The following CDH23 variants were observed in gnomAD, a reference collection of about 807,000 sequenced individuals.
CDH23 encodes cadherin related 23.
CDH23 carries 189 observed loss-of-function variants against 317.1 expected under a neutral mutation model. The observed-to-expected ratio is 0.60, with a 90% CI of 0.53 to 0.67. The LOEUF (loss-of-function observed/expected upper bound fraction) is 0.67, where lower values mean the gene tolerates loss of function less well. CDH23 is among the 30% of genes least tolerant of loss of function. CDH23 has a pLI of 0.00. For synonymous variants in CDH23, 1,839 were observed against 1,876.8 expected, an observed-to-expected ratio of 0.98 and a Z score of 0.52; for missense variants, 4,401 against 4,592.4, an observed-to-expected ratio of 0.96 and a Z score of 1.20.
Position 71,811,580 on chromosome 10 carries a change from T to G in CDH23, c.9268T>G (p.Tyr3090Asp). Residue 3090 changes from tyrosine (Y) to aspartate (D), a missense_variant, in exon 64 of 70, where the codon TAC becomes GAC. By Grantham distance (160) the Tyr-to-Asp change is radical. This residue lies in a region of CDH23 where 1,144 missense variants were observed against 1,138.2 expected (regional missense o/e 1.01). Coordinates refer to ENST00000224721, the MANE Select transcript of CDH23 (RefSeq NM_022124.6). The part of the protein sequence containing the change: ...AMLFVLMNWY[Y>D]RTVHKRKLKA... Reference sequence around the variant, plus strand: ...GCTCTTTGTCCTCATGAACTGGTACTACAGGACTGTGTGAGTGTCCCCCAC... The same window carrying G: ...GCTCTTTGTCCTCATGAACTGGTACGACAGGACTGTGTGAGTGTCCCCCAC... 8 of 1,613,964 alleles carry G rather than the reference T, an allele frequency of 5.0e-6. No individual in the cohort carries two copies. Among genetic ancestry groups the G allele is most frequent in the Non-Finnish European group, 6.8e-6 (8 of 1,179,880 alleles).
chr10:71,758,915 G>T (rs1387836482), intron 38 of CDH23, among the ~76,000 whole-genome samples: 1 of 152,148 alleles, frequency 6.6e-6, no homozygotes, highest in Non-Finnish European at 1.5e-5. Flanking sequence ...TGTCACCCAG[G>T]CTGGAGTGCA....
At chr10:71,681,029 T>C (rs2132678652) in intron 17 of CDH23, among the ~76,000 whole-genome samples, 1 of 151,610 alleles carries the variant, frequency 6.6e-6, no homozygotes, top group South Asian at 2.1e-4. Context: ...GTTTTGCTAA[T>C]GTTGGCCAGG....
At chr10:71,540,547 GGAAGACCCC>G (rs1214662023) in intron 6 of CDH23, among the ~76,000 whole-genome samples, 3 of 152,096 alleles carry the variant, frequency 2.0e-5, no homozygotes, top group African/African-American at 7.2e-5. Context: ...CACTACCCCA[GGAAGACCCC>G]CTGCTTATTC....
chr10:71,679,454 G>A lies in CDH23; in HGVS notation c.1820G>A (p.Gly607Asp), dbSNP rs1473782270. ...TYSIVSASAF[G>D]SYFDISLYEG... The stretch of plus-strand genomic sequence containing the variant: ...AGCATTGTCAGTGCATCTGCCTTTG[G>A]CAGCTACTTCGACATCAGCCTGTAC... The change falls in exon 17 of 70, where the codon GGC becomes GAC. Residue 607 changes from glycine (G) to aspartate (D), a missense_variant. By Grantham distance (94) the Gly-to-Asp change is moderately conservative. This residue lies in a region of CDH23 where 3,068 missense variants were observed against 3,203.3 expected (regional missense o/e 0.96). Transcript: ENST00000224721. The A allele has an allele frequency of 6.2e-7, 1 of 1,613,330 alleles. No homozygotes were observed. Among genetic ancestry groups the A allele is most frequent in the Admixed American group, 1.7e-5 (1 of 59,886 alleles).
At chr10:71,801,150 C>CTTT (rs386371783) in intron 53 of CDH23, among the ~76,000 whole-genome samples, 11,281 of 73,966 alleles carry the variant, frequency 0.15, 1,094 homozygotes, top group East Asian at 0.21. Context: ...CTCTCTCTCT[C>CTTT]TTTTTTTTTT....
chr10:71,399,347 G>A (rs1374355096), intron 1 of CDH23, among the ~76,000 whole-genome samples: 1 of 152,166 alleles, frequency 6.6e-6, no homozygotes, highest in Non-Finnish European at 1.5e-5. Flanking sequence ...GCTCAGTAAA[G>A]TTTGAGCTGT....
intron 3 of CDH23, among the ~76,000 whole-genome samples, chr10:71,480,597 C>A (rs1359747039): frequency 1.3e-5 from 2 of 152,098 alleles, no homozygotes; most frequent in Non-Finnish European, 1.5e-5. Flanking sequence ...GGCAGAGGAA[C>A]AAAGGTATGA....
chr10:71,705,442 G>A (rs897277256), intron 25 of CDH23, among the ~76,000 whole-genome samples: 2 of 152,148 alleles, frequency 1.3e-5, no homozygotes, highest in African/African-American at 4.8e-5. Context: ...AGCAGGGCCC[G>A]GGACCCTCAG....
chr10:71,762,340 G>T (rs965487896), intron 38 of CDH23, among the ~76,000 whole-genome samples: 4 of 152,338 alleles, frequency 2.6e-5, no homozygotes, highest in Middle Eastern at 3.4e-3. Flanking sequence ...AACCTGTTGG[G>T]TGGGAGGCAG....
rs114391449 is a variant in CDH23, at chr10:71,633,628, G to A, written c.1135-10233G>A. On this transcript the variant is annotated intron_variant, in intron 11 of 69. Transcript: ENST00000224721. The stretch of plus-strand genomic sequence containing the variant: ...TTCACTGGGAAGAGGACCCAAGACC[G>A]GGCAGCTCCCTTGGAAGAGGACTAG... Among the ~76,000 whole-genome samples, 1,190 of 152,256 alleles carry A rather than the reference G, an allele frequency of 7.8e-3. 15 individuals carry two copies. Among genetic ancestry groups the A allele is most frequent in the African/African-American group, 0.027 (1,110 of 41,542 alleles).
intron 6 of CDH23, among the ~76,000 whole-genome samples, chr10:71,560,057 A>T (rs1477450608): frequency 2.0e-5 from 3 of 152,182 alleles, no homozygotes; most frequent in African/African-American, 7.2e-5. Flanking sequence ...TATTTGAGAA[A>T]GAAACATAGC....
In CDH23 at chr10:71,423,677, A is replaced by C. The variant is rs529612333; in HGVS notation, c.-5-16150A>C. Reference sequence around the variant, plus strand: ...TAAGCCCCAAATTTCTAGTTCTGTCAGTCATACTGGGGCCTCAGCACTGCA... The same window carrying C: ...TAAGCCCCAAATTTCTAGTTCTGTCCGTCATACTGGGGCCTCAGCACTGCA... On this transcript the variant is annotated intron_variant, in intron 1 of 69. Transcript: ENST00000224721. Among the ~76,000 whole-genome samples, 304 of 152,298 alleles carry C rather than the reference A, an allele frequency of 2.0e-3. 7 individuals are homozygous for C. In the South Asian group the frequency reaches 0.022, roughly 11 times the overall value.
intron 2 of CDH23, among the ~76,000 whole-genome samples, chr10:71,443,047 C>T (rs1339670132): frequency 3.3e-5 from 5 of 152,228 alleles, no homozygotes; most frequent in Non-Finnish European, 5.9e-5. Flanking sequence ...TTTATCCCTG[C>T]ACTCCCTGTC....
At chr10:71,803,769 A>C (rs1841625917) in intron 55 of CDH23, among the ~76,000 whole-genome samples, 1 of 145,018 alleles carries the variant, frequency 6.9e-6, no homozygotes, top group Non-Finnish European at 1.5e-5. Context: ...CAGGAGTTCG[A>C]GACCAGCCTG....
intron 44 of CDH23, among the ~76,000 whole-genome samples, chr10:71,787,067 C>T (rs1255700935): frequency 2.6e-5 from 4 of 152,188 alleles, no homozygotes; most frequent in Non-Finnish European, 5.9e-5. Flanking sequence ...AAGTGAGGCA[C>T]TGGCAGAGTT....
intron 1 of CDH23, among the ~76,000 whole-genome samples, chr10:71,434,963 T>G (rs1849555364): frequency 6.6e-6 from 1 of 152,186 alleles, no homozygotes; most frequent in South Asian, 2.1e-4. Flanking sequence ...CAGCATACCT[T>G]GGCTGTGAGC....
intron 6 of CDH23, among the ~76,000 whole-genome samples, chr10:71,529,696 C>T (rs927801057): frequency 6.6e-6 from 1 of 152,104 alleles, no homozygotes. Context: ...TAGAGTGTAT[C>T]ACACTCATAC....
At chr10:71,416,551 A>AT (rs1848541637) in intron 1 of CDH23, among the ~76,000 whole-genome samples, 1 of 152,038 alleles carries the variant, frequency 6.6e-6, no homozygotes, top group Non-Finnish European at 1.5e-5. Flanking sequence ...TCTTCATTGT[A>AT]TTTTACATTT....
At chr10:71,738,701 G>C (rs2132841998) in intron 35 of CDH23, 54 bp downstream of exon 35, 1 of 1,584,634 alleles carries the variant, frequency 6.3e-7, no homozygotes. Flanking sequence ...GGCTCCCACA[G>C]CTCTCACAGC....
Sources: gnomAD v4.1 joint callset for allele counts (sites outside exome capture counted in the v4.1 genomes callset) on GRCh38, gnomAD v4.1.1 for gene constraint, gnomAD v4.1.1 regional missense constraint, MANE v1.5 for transcripts, NCBI Gene and HGNC (gene_info 2026-07-23, HGNC 2026-07-21) for gene names.